The following RPP14 variants were observed in gnomAD, a reference collection of about 807,000 sequenced individuals.
RPP14 encodes the protein ribonuclease P protein subunit p14.
Under a neutral mutation model 17.8 loss-of-function variants are expected in RPP14, and 19 were observed. The ratio of observed to expected loss-of-function variants is 1.07; its 90% CI spans 0.74 to 1.57. RPP14 has a LOEUF of 1.57. Among genes scored for constraint, RPP14 ranks in the 40% most tolerant of loss-of-function variants. RPP14 has a pLI of 0.00. For synonymous variants in RPP14, 60 were observed against 56.4 expected, an observed-to-expected ratio of 1.06 and a Z score of -0.29; for missense variants, 125 against 140.8, an observed-to-expected ratio of 0.89 and a Z score of 0.57.
At chr3:58,315,956 G>T (rs527804977) in intron 3 of RPP14, 1 of 152,374 alleles carries the variant, frequency 6.6e-6, no homozygotes, top group Non-Finnish European at 1.5e-5. Flanking sequence ...GATTACAGGC[G>T]TGAGCCACTG....
intron 3 of RPP14, among the ~76,000 whole-genome samples, chr3:58,314,927 CGCCTGCCTTG>C (rs1302848261): frequency 6.6e-6 from 1 of 151,926 alleles, no homozygotes; most frequent in East Asian, 1.9e-4. Context: ...CCTTGTGATC[CGCCTGCCTTG>C]GCCTCCCAAA....
intron 3 of RPP14, among the ~76,000 whole-genome samples, chr3:58,313,231 C>T (rs1453560055): frequency 6.6e-6 from 1 of 152,142 alleles, no homozygotes; most frequent in African/African-American, 2.4e-5. Context: ...TGCACTCCAG[C>T]CTGGGCGACA....
At position 58,310,384 on chromosome 3, in the gene RPP14, T is replaced by C. The variant is rs756442739; in HGVS notation, c.55T>C (p.Tyr19His). 1 of 1,614,128 alleles carries C rather than the reference T, an allele frequency of 6.2e-7. No homozygotes were observed. The highest frequency in any genetic ancestry group is 2.2e-5 in the East Asian group (1 of 44,888). Residue 19 changes from tyrosine to histidine, a missense_variant, in exon 2 of 6, where the codon TAC becomes CAC. By Grantham distance (83) the Tyr-to-His change is moderately conservative. Transcript: ENST00000295959. ...ERVVYKNPSE[Y>H]HYMKVCLEFQ... ...AGTAGTTTACAAAAACCCTTCCGAG[T>C]ACCACTACATGAAAGTCTGCCTGTA...
intron 3 of RPP14, among the ~76,000 whole-genome samples, chr3:58,313,728 G>A (rs766307664): frequency 3.1e-4 from 47 of 152,366 alleles, no homozygotes; most frequent in Non-Finnish European, 2.6e-4. Context: ...AGGAGGCTGA[G>A]GTGGGAGGAT....
chr3:58,310,008 T>A (rs1370025196), intron 1 of RPP14: 2 of 267,202 alleles, frequency 7.5e-6, no homozygotes, highest in East Asian at 1.6e-4. Context: ...GAAACCAGCC[T>A]GGGCAACATG....
intron 3 of RPP14, among the ~76,000 whole-genome samples, chr3:58,313,743 T>C (rs78418724): frequency 0.046 from 6,974 of 152,288 alleles, 559 homozygotes; most frequent in African/African-American, 0.16. Flanking sequence ...GAGGATTGCT[T>C]GAGCCCAAGA....
chr3:58,307,153 G>T (rs1009557936), intron 1 of RPP14, among the ~76,000 whole-genome samples: 6 of 152,234 alleles, frequency 3.9e-5, no homozygotes, highest in Non-Finnish European at 7.3e-5. Context: ...TGGTGGCGGG[G>T]ATTGAGCGGA....
At chr3:58,313,430 T>C (rs1229150005) in intron 3 of RPP14, among the ~76,000 whole-genome samples, 1 of 152,196 alleles carries the variant, frequency 6.6e-6, no homozygotes, top group Non-Finnish European at 1.5e-5. Context: ...GAAGACAGGA[T>C]GCTCAGGAAA....
intron 3 of RPP14, among the ~76,000 whole-genome samples, chr3:58,315,045 G>T (rs1302405987): frequency 1.3e-5 from 2 of 152,000 alleles, no homozygotes; most frequent in Admixed American, 1.3e-4. Context: ...AGCACTCCTG[G>T]GCATCTGTTC....
intron 1 of RPP14, among the ~76,000 whole-genome samples, chr3:58,306,859 G>A (rs2097475618): frequency 6.6e-6 from 1 of 152,164 alleles, no homozygotes; most frequent in Non-Finnish European, 1.5e-5. Context: ...GGGGTGGGGA[G>A]GGGAAGTACA....
chr3:58,314,829 C>T (rs2097486630), intron 3 of RPP14, among the ~76,000 whole-genome samples: 1 of 151,980 alleles, frequency 6.6e-6, no homozygotes, highest in African/African-American at 2.4e-5. Context: ...GGACTACAGG[C>T]ACACACCACC....
intron 4 of RPP14, 96 bp from the exon 5 acceptor site, chr3:58,316,819 T>G: frequency 8.8e-7 from 1 of 1,138,182 alleles, no homozygotes; most frequent in Non-Finnish European, 1.3e-6. Flanking sequence ...ATGGTTATAG[T>G]TGCAAAGTCA....
At position 58,318,874 on chromosome 3, in the gene RPP14, C is replaced by T. The variant is rs1249393426; in HGVS notation, c.*1378C>T. The T allele has an allele frequency of 6.6e-6, 1 of 152,054 alleles. No homozygotes were observed. Among genetic ancestry groups the T allele is most frequent in the Non-Finnish European group, 1.5e-5 (1 of 68,086 alleles). 9.4% of individuals were successfully genotyped at this position (152,054 alleles called of 1,614,324 possible). A position where few individuals can be genotyped will look rare whatever the true frequency, so the allele number is the denominator to read the frequency against. On this transcript the variant is annotated 3_prime_UTR_variant, in exon 6 of 6. Coordinates refer to ENST00000295959, the MANE Select transcript of RPP14 (RefSeq NM_007042.6). ...ACTAACCGGGCATGGTGGCGGGCACCTGTAATCCCAGCTACTTGGGAGGCT... is the reference window on the plus strand; with the variant it reads ...ACTAACCGGGCATGGTGGCGGGCACTTGTAATCCCAGCTACTTGGGAGGCT...
Position 58,318,346 on chromosome 3 carries a change from T to A in RPP14, c.*850T>A. ...TTTCATTATCTGCCTGGGTTTTTTGTTTGTTTTTTGTTTTTTAATTCAAGA... is the reference window on the plus strand; with the variant it reads ...TTTCATTATCTGCCTGGGTTTTTTGATTGTTTTTTGTTTTTTAATTCAAGA... On this transcript the variant is annotated 3_prime_UTR_variant, in exon 6 of 6. Transcript: ENST00000295959. The A allele has an allele frequency of 2.5e-6, 1 of 404,656 alleles. No individual in the cohort carries two copies. Among genetic ancestry groups the A allele is most frequent in the Non-Finnish European group, 4.4e-6 (1 of 228,808 alleles). 25.1% of individuals were successfully genotyped at this position (404,656 alleles called of 1,614,324 possible).
At position 58,317,625 on chromosome 3, in the gene RPP14, A is replaced by G; in HGVS notation, c.*129A>G. The G allele has an allele frequency of 4.0e-6, 3 of 746,534 alleles. No individual in the cohort carries two copies. The highest frequency in any genetic ancestry group is 2.6e-5 in the East Asian group (1 of 38,086). The allele number at this position is 746,534 out of a possible 1,614,324, so 46.2% of individuals were successfully genotyped here. On this transcript the variant is annotated 3_prime_UTR_variant, in exon 6 of 6. Coordinates refer to ENST00000295959, the MANE Select transcript of RPP14 (RefSeq NM_007042.6). ...TGAGGGTGCTGAAGATGTTCCCACT[A>G]ATTTCCAGCCATCACCTTTGGTGGG...
In RPP14 at chr3:58,317,340, A is replaced by G. The variant is rs184418426; in HGVS notation, c.319-100A>G. The G allele has an allele frequency of 2.5e-5, 19 of 768,168 alleles. No homozygotes were observed. The East Asian group carries it at 4.0e-4, about 16-fold the overall frequency. 47.6% of individuals were successfully genotyped at this position (768,168 alleles called of 1,614,324 possible). On this transcript the variant is annotated intron_variant, in intron 5 of 5. Transcript: ENST00000295959. Reference sequence around the variant, plus strand: ...AGGATGCTCTGTAAAATGCTCCTGCATCAGCTTTGTTTATCCTGTAAAACT... The same window carrying G: ...AGGATGCTCTGTAAAATGCTCCTGCGTCAGCTTTGTTTATCCTGTAAAACT...
rs1433433716 is a variant in RPP14, at chr3:58,319,490, GTT to G, written c.*1995_*1996del. ...TGAGTTTGAAGCTGACTGGCCCACAGTTAAACGTAACAGACCAGTTTTTCAGG... is the reference window on the plus strand; with the variant it reads ...TGAGTTTGAAGCTGACTGGCCCACAGAAACGTAACAGACCAGTTTTTCAGG... On this transcript the variant is annotated 3_prime_UTR_variant, in exon 6 of 6. Coordinates refer to ENST00000295959, the MANE Select transcript of RPP14 (RefSeq NM_007042.6). The G allele has an allele frequency of 6.6e-6, 1 of 152,162 alleles. No homozygotes were observed. Among genetic ancestry groups the G allele is most frequent in the Non-Finnish European group, 1.5e-5 (1 of 68,034 alleles). The allele number at this position is 152,162 out of a possible 1,614,324, so 9.4% of individuals were successfully genotyped here. A position where few individuals can be genotyped will look rare whatever the true frequency, so the allele number is the denominator to read the frequency against.
chr3:58,314,080 G>A (rs1438801283), intron 3 of RPP14, among the ~76,000 whole-genome samples: 1 of 152,228 alleles, frequency 6.6e-6, no homozygotes, highest in Non-Finnish European at 1.5e-5. Context: ...ATGGGGCGTG[G>A]TGGCTCATGC....
intron 3 of RPP14, among the ~76,000 whole-genome samples, chr3:58,313,255 T>A (rs1333655669): frequency 1.3e-5 from 2 of 151,910 alleles, no homozygotes; most frequent in South Asian, 2.1e-4. Context: ...CGAGACTCGG[T>A]CTCAAAAAAA....
Sources: gnomAD v4.1 joint callset for allele counts (sites outside exome capture counted in the v4.1 genomes callset) on GRCh38, gnomAD v4.1.1 for gene constraint, MANE v1.5 for transcripts, NCBI Gene and HGNC (gene_info 2026-07-23, HGNC 2026-07-21) for gene names.